Variants in SDR42E2 observed in about 807,000 individuals in gnomAD.
SDR42E2 encodes the protein short chain dehydrogenase/reductase family 42E, member 2, also known as putative short-chain dehydrogenase/reductase family 42E member 2.
A neutral mutation model predicts 10.5 loss-of-function variants in SDR42E2; 20 were observed. The ratio of observed to expected loss-of-function variants is 1.90; its 90% confidence interval spans 1.34 to 2.77. The LOEUF (loss-of-function observed/expected upper bound fraction) is 2.77, where lower values mean the gene tolerates loss of function less well. Among genes scored for constraint, SDR42E2 ranks in the 30% most tolerant of loss-of-function variants. SDR42E2 has a pLI of 0.00. For synonymous variants in SDR42E2, 72 were observed against 39.2 expected, an observed-to-expected ratio of 1.84 and a Z score of -3.12; for missense variants, 162 against 104.2, an observed-to-expected ratio of 1.55 and a Z score of -2.42.
Position 22,184,198 on chromosome 16 carries a change from C to T in SDR42E2, c.894C>T (p.Tyr298=). Reference sequence around the variant, plus strand: ...CTTTGCAGTTTGAGAAGCTGGGGTACAGCCAGCCCTGGATCCAGGTGCCTA... The same window carrying T: ...CTTTGCAGTTTGAGAAGCTGGGGTATAGCCAGCCCTGGATCCAGGTGCCTA... The part of the protein sequence containing the change: ...WMAPLFEKLG[Y]SQPWIQVPTS... The change falls in exon 11 of 13, where the codon TAC becomes TAT. Residue 298 remains tyrosine (Y), a synonymous_variant. Transcript: ENST00000602312. The T allele has an allele frequency of 2.5e-6, 1 of 401,426 alleles. No homozygotes were observed. Among genetic ancestry groups the T allele is most frequent in the Admixed American group, 4.4e-5 (1 of 22,744 alleles). The allele number at this position is 401,426 out of a possible 1,614,324, so 24.9% of individuals were successfully genotyped here.
In SDR42E2 at chr16:22,191,577, C is replaced by T. The variant is rs1263401383; in HGVS notation, c.*1184C>T. 6.6e-6 allele frequency: 1 copy of T among 152,022 alleles called. No homozygotes were observed. The highest frequency in any genetic ancestry group is 1.5e-5 in the Non-Finnish European group (1 of 68,028). The allele number at this position is 152,022 out of a possible 1,614,324, so 9.4% of individuals were successfully genotyped here. A position where few individuals can be genotyped will look rare whatever the true frequency, so the allele number is the denominator to read the frequency against. ...TTGACAGCCAGGGTTTGGGGAAAAACCGAGACTCAAGCTTCTGCCGAGCCC... is the reference window on the plus strand; with the variant it reads ...TTGACAGCCAGGGTTTGGGGAAAAATCGAGACTCAAGCTTCTGCCGAGCCC... On this transcript the variant is annotated 3_prime_UTR_variant, in exon 13 of 13. Transcript: ENST00000602312.
chr16:22,179,828 A>AAG (rs1555465316), intron 8 of SDR42E2, among the ~76,000 whole-genome samples: 171 of 151,668 alleles, frequency 1.1e-3, no homozygotes, highest in African/African-American at 3.9e-3. Context: ...AAAAAAAAAA[A>AAG]AAGAAGATTC....
rs567892123 is a variant in SDR42E2 at position 22,178,113 on chromosome 16, G to A, written c.590-17G>A. 208 of 701,074 alleles carry A rather than the reference G, an allele frequency of 3.0e-4. 1 individual carries two copies. In the African/African-American group the frequency reaches 3.3e-3, roughly 11 times the overall value. The allele number at this position is 701,074 out of a possible 1,614,324, so 43.4% of individuals were successfully genotyped here. A position where few individuals can be genotyped will look rare whatever the true frequency, so the allele number is the denominator to read the frequency against. Reference sequence around the variant, plus strand: ...TGCTCCTCCCCTGACCCCTGACCACGCTTCCCTGTGTGCTAGGAGGAGGCA... The same window carrying A: ...TGCTCCTCCCCTGACCCCTGACCACACTTCCCTGTGTGCTAGGAGGAGGCA... On this transcript the variant is annotated splice_polypyrimidine_tract_variant and intron_variant, in intron 7 of 12. Coordinates refer to ENST00000602312, the MANE Select transcript of SDR42E2 (RefSeq NM_001394319.2).
At chr16:22,185,504 C>T (rs2046730367) in intron 11 of SDR42E2, among the ~76,000 whole-genome samples, 1 of 152,162 alleles carries the variant, frequency 6.6e-6, no homozygotes, top group African/African-American at 2.4e-5. Flanking sequence ...ACCAGGGCTG[C>T]ACTGCACAGT....
At chr16:22,176,582 GTTATT>G (rs1405320179) in intron 7 of SDR42E2, among the ~76,000 whole-genome samples, 1 of 152,166 alleles carries the variant, frequency 6.6e-6, no homozygotes, top group African/African-American at 2.4e-5. Flanking sequence ...CTTTGTAGGT[GTTATT>G]TTATTTTATT....
At position 22,169,465 on chromosome 16, in the gene SDR42E2, G is replaced by C; in HGVS notation, c.357G>C (p.Glu119Asp). The C allele has an allele frequency of 1.4e-6, 1 of 703,576 alleles. No individual in the cohort carries two copies. The highest frequency in any genetic ancestry group is 1.5e-5 in the South Asian group (1 of 67,604). 43.6% of individuals were successfully genotyped at this position (703,576 alleles called of 1,614,324 possible). ...TTTAGCTGCAGAAAGAGCAGATTGA[G>C]TCTATAAATGTTGGAGGCACCAAAC... is the stretch of plus-strand genomic sequence containing the variant. Reference protein sequence around the residue: ...GAEKLQKEQIESINVGGTKLV... With the variant: ...GAEKLQKEQIDSINVGGTKLV... Residue 119 changes from glutamate to aspartate, a missense_variant, in exon 5 of 13, where the codon GAG becomes GAC. By Grantham distance (45) the Glu-to-Asp change is conservative. Transcript: ENST00000602312.
intron 3 of SDR42E2, among the ~76,000 whole-genome samples, 189 bp from the exon 4 acceptor site, chr16:22,166,715 C>T (rs371241005): frequency 1.2e-4 from 19 of 152,108 alleles, no homozygotes; most frequent in Non-Finnish European, 7.4e-5. Flanking sequence ...TGAATGAGCA[C>T]GGGATGTTGC....
In SDR42E2 at chr16:22,171,569, G is replaced by A. The variant is rs1293921953; in HGVS notation, c.513+618G>A. Among the ~76,000 whole-genome samples, 6 of 149,388 alleles carry A rather than the reference G, an allele frequency of 4.0e-5. No individual in the cohort carries two copies. The East Asian group carries it at 1.2e-3, about 30-fold the overall frequency. ...TTGAGACAAGGTCTTGCTTTGCTCT[G>A]TCACTCAGACTGGAGTGCAGTGTCA... On this transcript the variant is annotated intron_variant, in intron 6 of 12. Transcript: ENST00000602312.
rs749527922 is a variant in SDR42E2, at chr16:22,178,204, C to T, written c.664C>T (p.Arg222Cys). The T allele has an allele frequency of 5.7e-6, 4 of 702,674 alleles. No homozygotes were observed. Among genetic ancestry groups the T allele is most frequent in the Middle Eastern group, 2.3e-4 (1 of 4,392 alleles). The allele number at this position is 702,674 out of a possible 1,614,324, so 43.5% of individuals were successfully genotyped here. Residue 222 changes from arginine (R) to cysteine (C), a missense_variant, in exon 8 of 13, where the codon CGT (arginine) becomes TGT (cysteine). Arg to Cys is a radical substitution (Grantham distance 180, BLOSUM62 -3). Coordinates refer to ENST00000602312, the MANE Select transcript of SDR42E2 (RefSeq NM_001394319.2). The part of the protein sequence containing the change: ...YGPEEQRHLP[R>C]VAGHIKKRLF... ...CCCTGAAGAGCAGAGGCACCTGCCC[C>T]GTGTGGCGGTACGTCATCCCCGCCT...
At chr16:22,167,743 G>A (rs2046556183) in intron 4 of SDR42E2, among the ~76,000 whole-genome samples, 1 of 152,058 alleles carries the variant, frequency 6.6e-6, no homozygotes, top group Admixed American at 6.6e-5. Flanking sequence ...AATAAATTGT[G>A]TTTTACAGTC....
chr16:22,171,025 G>T, intron 6 of SDR42E2, 74 bp downstream of exon 6: 3 of 697,854 alleles, frequency 4.3e-6, no homozygotes, highest in Non-Finnish European at 7.9e-6. Flanking sequence ...GGGATGGGTG[G>T]AAGCAGGGTT....
intron 1 of SDR42E2, among the ~76,000 whole-genome samples, chr16:22,163,571 G>A (rs1042175771): frequency 6.6e-6 from 1 of 152,114 alleles, no homozygotes; most frequent in African/African-American, 2.4e-5. Flanking sequence ...ACCAGGTGTG[G>A]TGGCGCGTGC....
chr16:22,177,975 A>G (rs2046659041), intron 7 of SDR42E2, among the ~76,000 whole-genome samples, 155 bp from the exon 8 acceptor site: 1 of 152,100 alleles, frequency 6.6e-6, no homozygotes, highest in Non-Finnish European at 1.5e-5. Context: ...TGAATGACTG[A>G]CTAAGAGAAT....
rs748975585 is a variant in SDR42E2 at position 22,166,895 on chromosome 16, C to G, written c.241-9C>G. The G allele has an allele frequency of 2.3e-5, 15 of 657,188 alleles. No homozygotes were observed. The highest frequency in any genetic ancestry group is 2.2e-4 in the South Asian group (14 of 63,246). 40.7% of individuals were successfully genotyped at this position (657,188 alleles called of 1,614,324 possible). ...CCCCCTGCCCTCATCTCTTCTTCCTCTGGTGCAGGCTGATGTCCGAGATGA... is the reference window on the plus strand; with the variant it reads ...CCCCCTGCCCTCATCTCTTCTTCCTGTGGTGCAGGCTGATGTCCGAGATGA... On this transcript the variant is annotated splice_polypyrimidine_tract_variant and intron_variant, in intron 3 of 12. Transcript: ENST00000602312.
chr16:22,177,123 T>C (rs2046650990), intron 7 of SDR42E2, among the ~76,000 whole-genome samples: 1 of 152,212 alleles, frequency 6.6e-6, no homozygotes, highest in African/African-American at 2.4e-5. Context: ...TGCGCTGATC[T>C]GTGTGACTGG....
At chr16:22,175,085 C>T (rs979944632) in intron 7 of SDR42E2, among the ~76,000 whole-genome samples, 4 of 152,114 alleles carry the variant, frequency 2.6e-5, no homozygotes, top group African/African-American at 9.7e-5. Context: ...GCAGTTATGT[C>T]CTCCCGTCTT....
chr16:22,170,268 C>G (rs1191296577), intron 5 of SDR42E2, among the ~76,000 whole-genome samples: 1 of 152,028 alleles, frequency 6.6e-6, no homozygotes, highest in Non-Finnish European at 1.5e-5. Context: ...GCAGGAGAAT[C>G]GCTTGAACCT....
rs1472777436 is a variant in SDR42E2, at chr16:22,172,331, G to C, written c.589G>C (p.Gly197Arg). Residue 197 changes from glycine (G) to arginine (R), a missense_variant and splice_region_variant, in exon 7 of 13, where the codon GGA (glycine) becomes CGA (arginine). By Grantham distance (125) the Gly-to-Arg change is moderately radical (BLOSUM62 -2). Coordinates refer to ENST00000602312, the MANE Select transcript of SDR42E2 (RefSeq NM_001394319.2). ...CATGGCCAATGGGATGCCTCTCCCA[G>C]GTGAGTATCATGGGGCTCTGCTTGT... ...TLMANGMPLP[G>R]GGTLRTCVLR... The C allele has an allele frequency of 1.1e-5, 8 of 703,356 alleles. No homozygotes were observed. The Admixed American group carries it at 1.4e-4, about 12-fold the overall frequency. The allele number at this position is 703,356 out of a possible 1,614,324, so 43.6% of individuals were successfully genotyped here. A position where few individuals can be genotyped will look rare whatever the true frequency, so the allele number is the denominator to read the frequency against.
In SDR42E2 at chr16:22,169,515, AG is replaced by A. The variant is rs2046575297; in HGVS notation, c.394+14del. On this transcript the variant is annotated intron_variant, in intron 5 of 12. Coordinates refer to ENST00000602312, the MANE Select transcript of SDR42E2 (RefSeq NM_001394319.2). ...CTAGTGATTGATGGTAGGTGCTCAG[AG>A]CCGGGTATGACCTGCTGTGCCTCTC... is the stretch of plus-strand genomic sequence containing the variant. 1 of 703,364 alleles carries A rather than the reference AG, an allele frequency of 1.4e-6. No homozygotes were observed. Among genetic ancestry groups the A allele is most frequent in the Non-Finnish European group, 2.6e-6 (1 of 385,122 alleles). 43.6% of individuals were successfully genotyped at this position (703,364 alleles called of 1,614,324 possible). A position where few individuals can be genotyped will look rare whatever the true frequency, so the allele number is the denominator to read the frequency against.
Sources: gnomAD v4.1 joint callset for allele counts (sites outside exome capture counted in the v4.1 genomes callset) on GRCh38, gnomAD v4.1.1 for gene constraint, MANE v1.5 for transcripts, NCBI Gene and HGNC (gene_info 2026-07-23, HGNC 2026-07-21) for gene names.